KCNH5: variants seen among roughly 807,000 people sequenced by gnomAD.
The protein encoded by KCNH5 is potassium voltage-gated channel subfamily H member 5.
A neutral mutation model predicts 96.1 loss-of-function variants in KCNH5; 46 were observed. The ratio of observed to expected loss-of-function variants is 0.48; its 90% confidence interval spans 0.38 to 0.61. The LOEUF (loss-of-function observed/expected upper bound fraction) is 0.61. Ranked by LOEUF, KCNH5 falls within the 20% of genes least tolerant of loss-of-function variation. The pLI is 0.00. For missense variants in KCNH5, 907 were observed against 1,225.8 expected (o/e 0.74, Z 3.88); for synonymous variants, 439 against 449.8 (o/e 0.98, Z 0.30).
chr14:62,884,346 C>G (rs549718150), intron 7 of KCNH5, among the ~76,000 whole-genome samples: 1 of 152,180 alleles, frequency 6.6e-6, no homozygotes, highest in Admixed American at 6.5e-5. Flanking sequence ...AAATAATGGC[C>G]GGGCACGGTG....
chr14:63,027,523 G>A (rs1417836265), intron 1 of KCNH5, among the ~76,000 whole-genome samples: 1 of 149,958 alleles, frequency 6.7e-6, no homozygotes, highest in Non-Finnish European at 1.5e-5. Context: ...GATTGACTAT[G>A]TGAGCAAATA....
Position 62,802,582 on chromosome 14 carries a change from C to A in KCNH5, c.1570-1G>T. On this transcript the variant is annotated splice_acceptor_variant, in intron 8 of 10. Transcript: ENST00000322893. LOFTEE classifies it high-confidence loss of function. ...TGTCCTTGGGACAGATGGAGAGGAC[C>A]TAAAGAAGGTGAGAGATGAATAAGT... 6.2e-7 allele frequency: 1 copy of A among 1,613,104 alleles called. No homozygotes were observed. Among genetic ancestry groups the A allele is most frequent in the Non-Finnish European group, 8.5e-7 (1 of 1,179,272 alleles).
In KCNH5 at chr14:62,710,550, C is replaced by T. The variant is rs929325010; in HGVS notation, c.2020-2095G>A. Among the ~76,000 whole-genome samples, 21 of 152,184 alleles carry T rather than the reference C, an allele frequency of 1.4e-4. 1 individual carries two copies. The highest frequency in any genetic ancestry group is 4.8e-4 in the African/African-American group (20 of 41,452). On this transcript the variant is annotated intron_variant, in intron 10 of 10. Coordinates refer to ENST00000322893, the MANE Select transcript of KCNH5 (RefSeq NM_139318.5). ...ATTTCAGCCCCTTTTTGAAAAAGTA[C>T]TCACTTTGATTCTATGGGTGGACAT... is the stretch of plus-strand genomic sequence containing the variant.
intron 9 of KCNH5, among the ~76,000 whole-genome samples, chr14:62,795,250 T>G (rs1386974166): frequency 6.6e-6 from 1 of 152,146 alleles, no homozygotes; most frequent in Non-Finnish European, 1.5e-5. Flanking sequence ...CATATTTTTC[T>G]GGGTACCCAG....
intron 1 of KCNH5, among the ~76,000 whole-genome samples, chr14:63,030,211 G>T (rs933372052): frequency 6.6e-6 from 1 of 152,198 alleles, no homozygotes; most frequent in Admixed American, 6.5e-5. Context: ...ATTCCTTAAA[G>T]ATGTTTACAA....
chr14:62,837,341 T>C (rs1202653329), intron 8 of KCNH5, among the ~76,000 whole-genome samples: 4 of 152,218 alleles, frequency 2.6e-5, no homozygotes, highest in Non-Finnish European at 5.9e-5. Flanking sequence ...AGGGGCTTAA[T>C]GGACATTTAC....
At chr14:62,958,763 G>A (rs1808576455) in intron 6 of KCNH5, among the ~76,000 whole-genome samples, 3 of 152,048 alleles carry the variant, frequency 2.0e-5, no homozygotes, top group East Asian at 1.9e-4. Context: ...ACTGTATTAT[G>A]AACTGCTCAA....
chr14:62,768,003 A>T (rs1885901259), intron 10 of KCNH5, among the ~76,000 whole-genome samples: 1 of 152,182 alleles, frequency 6.6e-6, no homozygotes, highest in South Asian at 2.1e-4. Context: ...GTAGCTAAGT[A>T]ATGTGTGTAC....
rs373106772 is a variant in KCNH5 at position 62,708,019 on chromosome 14, C to A, written c.2456G>T (p.Gly819Val). 2.5e-5 allele frequency: 41 copies of A among 1,614,056 alleles called. No homozygotes were observed. Among genetic ancestry groups the A allele is most frequent in the African/African-American group, 4.0e-5 (3 of 74,896 alleles). ...KGWLRLKNNMGAHEEKKEDWN... is the reference protein window; with the variant it reads ...KGWLRLKNNMVAHEEKKEDWN... ...GTCTTCCTTTTTCTCCTCATGGGCTCCCATATTATTCTTGAGTCGCAGCCA... is the reference window on the plus strand; with the variant it reads ...GTCTTCCTTTTTCTCCTCATGGGCTACCATATTATTCTTGAGTCGCAGCCA... Residue 819 changes from glycine (G) to valine (V), a missense_variant, in exon 11 of 11, where the codon GGA becomes GTA. Gly to Val is a moderately radical substitution (Grantham distance 109). Coordinates refer to ENST00000322893, the MANE Select transcript of KCNH5 (RefSeq NM_139318.5).
intron 10 of KCNH5, among the ~76,000 whole-genome samples, chr14:62,723,398 TAG>T (rs1405378879): frequency 6.6e-6 from 1 of 152,222 alleles, no homozygotes; most frequent in African/African-American, 2.4e-5. Context: ...ATATGTAGAA[TAG>T]ATGATACATT....
chr14:62,800,686 C>T (rs993932464), intron 9 of KCNH5, among the ~76,000 whole-genome samples: 4 of 151,894 alleles, frequency 2.6e-5, no homozygotes, highest in African/African-American at 9.7e-5. Context: ...TGTATTTTAT[C>T]CTCTTCTTTA....
intron 6 of KCNH5, among the ~76,000 whole-genome samples, chr14:62,980,397 G>A (rs1197176577): frequency 2.0e-5 from 3 of 152,184 alleles, no homozygotes; most frequent in Non-Finnish European, 4.4e-5. Flanking sequence ...GTTATCATAT[G>A]TGTCTTGAGA....
intron 10 of KCNH5, among the ~76,000 whole-genome samples, chr14:62,759,706 C>T (rs1343896023): frequency 6.6e-6 from 1 of 152,030 alleles, no homozygotes; most frequent in Non-Finnish European, 1.5e-5. Context: ...TTACCAACCT[C>T]CATAAAATTG....
At chr14:62,804,804 C>T (rs1201803855) in intron 8 of KCNH5, among the ~76,000 whole-genome samples, 1 of 152,112 alleles carries the variant, frequency 6.6e-6, no homozygotes, top group Non-Finnish European at 1.5e-5. Context: ...CCTAGTTTAG[C>T]CTGGCACATA....
At chr14:62,953,883 C>T (rs1890052343) in intron 6 of KCNH5, among the ~76,000 whole-genome samples, 1 of 152,144 alleles carries the variant, frequency 6.6e-6, no homozygotes, top group South Asian at 2.1e-4. Flanking sequence ...CTATCAGTCT[C>T]GTATTTCTTT....
chr14:62,769,772 C>G (rs1055043428), intron 10 of KCNH5, among the ~76,000 whole-genome samples: 1 of 152,156 alleles, frequency 6.6e-6, no homozygotes, highest in Non-Finnish European at 1.5e-5. Context: ...GACAGATTCA[C>G]GTTTCATTCA....
chr14:62,987,884 A>C (rs1436670669), intron 4 of KCNH5, among the ~76,000 whole-genome samples: 1 of 152,200 alleles, frequency 6.6e-6, no homozygotes, highest in South Asian at 2.1e-4. Flanking sequence ...ATATAAGAGA[A>C]TAAAACTGAA....
chr14:62,799,407 C>G (rs889890620), intron 9 of KCNH5, among the ~76,000 whole-genome samples: 6 of 151,450 alleles, frequency 4.0e-5, no homozygotes, highest in Non-Finnish European at 7.4e-5. Flanking sequence ...AACCCTGTCT[C>G]TGCTAAAAAT....
At position 63,017,099 on chromosome 14, in the gene KCNH5, A is replaced by G; in HGVS notation, c.74-145T>C. 4.2e-6 allele frequency: 3 copies of G among 717,570 alleles called. No individual in the cohort carries two copies. The South Asian group carries it at 9.0e-5, about 22-fold the overall frequency. The allele number at this position is 717,570 out of a possible 1,614,324, so 44.5% of individuals were successfully genotyped here. ...ACAAATAATATAACCTGTTCTTGAA[A>G]CTGACATAACCAGGTTTGCATGATC... On this transcript the variant is annotated intron_variant, in intron 1 of 10. Transcript: ENST00000322893.
Sources: allele counts gnomAD v4.1 joint callset (sites outside exome capture counted in the v4.1 genomes callset), GRCh38; gene constraint gnomAD v4.1.1; transcripts MANE v1.5; gene names NCBI Gene and HGNC (gene_info 2026-07-23, HGNC 2026-07-21).